Variants in LMOD3 observed in about 807,000 individuals in gnomAD.
The protein encoded by LMOD3 is leiomodin 3.
In LMOD3, 31 loss-of-function variants were observed where a neutral mutation model predicts 41.8. The observed-to-expected ratio is 0.74, with a 90% CI of 0.56 to 1.00. The LOEUF is 1.00. LMOD3 is among the 50% of genes least tolerant of loss of function. The pLI is 0.00. For synonymous variants in LMOD3, 292 were observed against 241.9 expected (o/e 1.21, Z -1.92); for missense variants, 755 against 679.5 (o/e 1.11, Z -1.23).
At chr3:69,109,519 ACTT>A (rs974524066) in intron 2 of LMOD3, among the ~76,000 whole-genome samples, 3 of 131,562 alleles carry the variant, frequency 2.3e-5, no homozygotes, top group African/African-American at 9.4e-5. Context: ...CCATGTTAAC[ACTT>A]TTTTTTTTTT....
chr3:69,109,026 T>C lies in LMOD3; in HGVS notation c.*69A>G, dbSNP rs1423084602. 4.5e-6 allele frequency: 6 copies of C among 1,325,238 alleles called. No homozygotes were observed. Among genetic ancestry groups the C allele is most frequent in the African/African-American group, 4.4e-5 (3 of 68,494 alleles). The allele number at this position is 1,325,238 out of a possible 1,614,324, so 82.1% of individuals were successfully genotyped here. On this transcript the variant is annotated 3_prime_UTR_variant, in exon 3 of 3. Coordinates refer to ENST00000420581, the MANE Select transcript of LMOD3 (RefSeq NM_198271.5). ...GGATCCTAAAGTATTGCTGCTGACA[T>C]AGTCTCCATGCTGTAATCCAAGAGT...
rs2092399428 is a variant in LMOD3, at chr3:69,119,923, A to C, written c.432T>G (p.Asp144Glu). The change falls in exon 2 of 3, where the codon GAT becomes GAG. Residue 144 changes from aspartate to glutamate, a missense_variant. Physicochemically the swap from Asp to Glu is conservative, Grantham distance 45 (BLOSUM62 2). Transcript: ENST00000420581. ...SKGSSNIQET[D>E]EEDEEEEDDD... is the part of the protein sequence containing the mutation. ...CATCTTCTTCTTCTTCATCTTCTTCATCTGTTTCTTGGATATTGCTGCTGC... is the reference window on the plus strand; with the variant it reads ...CATCTTCTTCTTCTTCATCTTCTTCCTCTGTTTCTTGGATATTGCTGCTGC... The C allele has an allele frequency of 1.3e-6, 2 of 1,554,356 alleles. No individual in the cohort carries two copies. Among genetic ancestry groups the C allele is most frequent in the African/African-American group, 1.4e-5 (1 of 72,948 alleles).
rs2092324746 is a variant in LMOD3 at position 69,106,852 on chromosome 3, A to AATTTTGT, written c.*2236_*2242dup. 1 of 138,060 alleles carries AATTTTGT rather than the reference A, an allele frequency of 7.2e-6. No homozygotes were observed. 8.6% of individuals were successfully genotyped at this position (138,060 alleles called of 1,614,324 possible). A position where few individuals can be genotyped will look rare whatever the true frequency, so the allele number is the denominator to read the frequency against. Reference sequence around the variant, plus strand: ...CAGGCATGAGCTACCATGCCTGGCTAATTTTGTATTTTTTTTTTTTTTTTT... The same window carrying AATTTTGT: ...CAGGCATGAGCTACCATGCCTGGCTAATTTTGTATTTTGTATTTTTTTTTTTTTTTTT... On this transcript the variant is annotated 3_prime_UTR_variant, in exon 3 of 3. Coordinates refer to ENST00000420581, the MANE Select transcript of LMOD3 (RefSeq NM_198271.5).
intron 2 of LMOD3, among the ~76,000 whole-genome samples, chr3:69,110,502 T>A (rs1160656898): frequency 1.3e-5 from 2 of 149,842 alleles, no homozygotes; most frequent in Non-Finnish European, 3.0e-5. Flanking sequence ...AGTGCTGGGA[T>A]TACAGGTGTG....
chr3:69,108,301 ACTT>A lies in LMOD3; in HGVS notation c.*791_*793del, dbSNP rs929545906. The A allele has an allele frequency of 2.6e-5, 4 of 152,048 alleles. No homozygotes were observed. Among genetic ancestry groups the A allele is most frequent in the East Asian group, 1.9e-4 (1 of 5,184 alleles). The allele number at this position is 152,048 out of a possible 1,614,324, so 9.4% of individuals were successfully genotyped here. A position where few individuals can be genotyped will look rare whatever the true frequency, so the allele number is the denominator to read the frequency against. On this transcript the variant is annotated 3_prime_UTR_variant, in exon 3 of 3. Coordinates refer to ENST00000420581, the MANE Select transcript of LMOD3 (RefSeq NM_198271.5). Reference sequence around the variant, plus strand: ...CTTGTCAATAACTATATTATGTAAAACTTCTTTTCTATAAAAACAGCATGCTGT... The same window carrying A: ...CTTGTCAATAACTATATTATGTAAAACTTTTCTATAAAAACAGCATGCTGT...
chr3:69,110,365 G>A, intron 2 of LMOD3, among the ~76,000 whole-genome samples: 1 of 151,700 alleles, frequency 6.6e-6, no homozygotes, highest in Non-Finnish European at 1.5e-5. Context: ...AAGTAGCTGG[G>A]ACTACAGGTG....
chr3:69,118,793 A>G lies in LMOD3; in HGVS notation c.1562T>C (p.Val521Ala). 1 of 1,609,580 alleles carries G rather than the reference A, an allele frequency of 6.2e-7. No individual in the cohort carries two copies. Among genetic ancestry groups the G allele is most frequent in the Non-Finnish European group, 8.5e-7 (1 of 1,178,736 alleles). ...LKDVIKTLKP[V>A]PRNRPPPLVE... ...CAATGGGGGTGGCCTGTTTCTCGGC[A>G]CTGGCTTGAGCGTTTTGATGACATC... Residue 521 changes from valine to alanine, a missense_variant, in exon 2 of 3, where the codon GTG (valine) becomes GCG (alanine). Physicochemically the swap from Val to Ala is moderately conservative, Grantham distance 64. Transcript: ENST00000420581.
intron 1 of LMOD3, 49 bp from the exon 2 acceptor site, chr3:69,120,109 T>C: frequency 6.6e-7 from 1 of 1,519,530 alleles, no homozygotes; most frequent in East Asian, 2.3e-5. Flanking sequence ...AGAAGAAATA[T>C]GAAGTGGAGC....
chr3:69,113,058 A>C (rs1429274522), intron 2 of LMOD3, among the ~76,000 whole-genome samples: 1 of 152,134 alleles, frequency 6.6e-6, no homozygotes, highest in Non-Finnish European at 1.5e-5. Context: ...CAAAGCTATG[A>C]TCTATGTTTG....
In LMOD3 at chr3:69,119,857, A is replaced by T; in HGVS notation, c.498T>A (p.Ser166Arg). ...DDEGEDDGEE[S>R]EETNREEEGK... ...CTTCCTCTTCTCTGTTCGTTTCTTC[A>T]CTCTCTTCACCATCATCTTCTCCTT... The change falls in exon 2 of 3, where the codon AGT becomes AGA. Residue 166 changes from serine to arginine, a missense_variant. Ser to Arg is a moderately radical substitution (Grantham distance 110). Coordinates refer to ENST00000420581, the MANE Select transcript of LMOD3 (RefSeq NM_198271.5). The T allele has an allele frequency of 1.3e-6, 2 of 1,556,496 alleles. No homozygotes were observed. Among genetic ancestry groups the T allele is most frequent in the East Asian group, 2.4e-5 (1 of 41,588 alleles).
rs200811551 is a variant in LMOD3, at chr3:69,122,078, C to A, written c.294+15G>T. 7 of 1,603,442 alleles carry A rather than the reference C, an allele frequency of 4.4e-6. No individual in the cohort carries two copies. In the East Asian group the frequency reaches 1.6e-4, roughly 36 times the overall value. On this transcript the variant is annotated intron_variant, in intron 1 of 2. Transcript: ENST00000420581. Reference sequence around the variant, plus strand: ...CAGGCAGCCATTTCTCGGTTGTACACAAATCTCTGGTTACCTCGGATTTCA... The same window carrying A: ...CAGGCAGCCATTTCTCGGTTGTACAAAAATCTCTGGTTACCTCGGATTTCA...
intron 1 of LMOD3, among the ~76,000 whole-genome samples, chr3:69,121,643 T>G (rs991635227): frequency 1.3e-5 from 2 of 152,214 alleles, no homozygotes; most frequent in Admixed American, 6.5e-5. Context: ...GTGGCCAGAC[T>G]TCAGGAGGAC....
At chr3:69,120,993 CAT>C (rs1231042929) in intron 1 of LMOD3, among the ~76,000 whole-genome samples, 15 of 152,138 alleles carry the variant, frequency 9.9e-5, no homozygotes, top group Admixed American at 9.8e-4. Context: ...ATGCTCATAA[CAT>C]AGGTCAGAAG....
At chr3:69,111,302 G>A (rs919963187) in intron 2 of LMOD3, among the ~76,000 whole-genome samples, 3 of 152,166 alleles carry the variant, frequency 2.0e-5, no homozygotes, top group Non-Finnish European at 4.4e-5. Flanking sequence ...AAGCCAAGGG[G>A]ACTTCCATGG....
intron 2 of LMOD3, among the ~76,000 whole-genome samples, chr3:69,115,480 T>TC (rs1477387106): frequency 1.6e-5 from 2 of 125,118 alleles, no homozygotes; most frequent in East Asian, 5.6e-4. Context: ...AGATCCTGCC[T>TC]CAAACACACA....
At chr3:69,120,667 C>T (rs1337797844) in intron 1 of LMOD3, among the ~76,000 whole-genome samples, 1 of 150,842 alleles carries the variant, frequency 6.6e-6, no homozygotes, top group East Asian at 1.9e-4. Flanking sequence ...ATATTTAAAA[C>T]CTCAATTTTG....
chr3:69,108,837 C>A lies in LMOD3; in HGVS notation c.*258G>T. 2.7e-6 allele frequency: 1 copy of A among 365,952 alleles called. No homozygotes were observed. Among genetic ancestry groups the A allele is most frequent in the South Asian group, 1.1e-4 (1 of 9,336 alleles). 22.7% of individuals were successfully genotyped at this position (365,952 alleles called of 1,614,324 possible). A position where few individuals can be genotyped will look rare whatever the true frequency, so the allele number is the denominator to read the frequency against. Reference sequence around the variant, plus strand: ...TCGGGAAATATGACTCTAAATTTCACCTGAGTCACTCAAATTGATTGCAAG... The same window carrying A: ...TCGGGAAATATGACTCTAAATTTCAACTGAGTCACTCAAATTGATTGCAAG... On this transcript the variant is annotated 3_prime_UTR_variant, in exon 3 of 3. Coordinates refer to ENST00000420581, the MANE Select transcript of LMOD3 (RefSeq NM_198271.5).
At chr3:69,121,936 C>T (rs1247745889) in intron 1 of LMOD3, among the ~76,000 whole-genome samples, 157 bp downstream of exon 1, 1 of 152,156 alleles carries the variant, frequency 6.6e-6, no homozygotes, top group Non-Finnish European at 1.5e-5. Context: ...CAGAAAGTTC[C>T]AGTCGGAGTA....
chr3:69,115,690 C>G (rs1360450069), intron 2 of LMOD3, among the ~76,000 whole-genome samples: 1 of 152,134 alleles, frequency 6.6e-6, no homozygotes, highest in East Asian at 1.9e-4. Flanking sequence ...CTTCATTTCA[C>G]CTCTATCAAG....
Sources: gnomAD v4.1 joint callset for allele counts (sites outside exome capture counted in the v4.1 genomes callset) on GRCh38, gnomAD v4.1.1 for gene constraint, MANE v1.5 for transcripts, NCBI Gene and HGNC (gene_info 2026-07-23, HGNC 2026-07-21) for gene names.